The following CYFIP1 variants were observed in gnomAD, a reference collection of about 807,000 sequenced individuals.
CYFIP1 encodes the protein cytoplasmic FMR1-interacting protein 1.
In CYFIP1, 58 loss-of-function variants were observed where a neutral mutation model predicts 163.5. That is an observed-to-expected ratio of 0.35 (90% CI 0.29 to 0.44). The LOEUF is 0.44. CYFIP1 is among the 20% of genes least tolerant of loss of function. The pLI is 1.00. For synonymous variants in CYFIP1, 663 were observed against 660.7 expected, an observed-to-expected ratio of 1.00 and a Z score of -0.05; for missense variants, 1,338 against 1,653.8, an observed-to-expected ratio of 0.81 and a Z score of 3.31.
intron 13 of CYFIP1, among the ~76,000 whole-genome samples, chr15:22,922,282 G>A (rs1252395117): frequency 6.6e-6 from 1 of 152,222 alleles, no homozygotes; most frequent in African/African-American, 2.4e-5. Flanking sequence ...CCTAGAGTCT[G>A]AGTAGCCAAG....
At chr15:22,973,342 A>G (rs2063163070) in intron 1 of CYFIP1, among the ~76,000 whole-genome samples, 1 of 150,488 alleles carries the variant, frequency 6.6e-6, no homozygotes. Context: ...AAAAGGGAGA[A>G]GAAACTCCCT....
intron 27 of CYFIP1, 82 bp downstream of exon 27, chr15:22,875,117 C>A: frequency 7.6e-7 from 1 of 1,322,550 alleles, no homozygotes; most frequent in Non-Finnish European, 1.1e-6. Context: ...CTGCACTGGT[C>A]CTTAGCTCTC....
intron 21 of CYFIP1, 38 bp downstream of exon 21, chr15:22,909,156 A>G: frequency 6.2e-7 from 1 of 1,611,794 alleles, no homozygotes; most frequent in South Asian, 1.1e-5. Flanking sequence ...ACCTACCCTT[A>G]GTCCAATTTA....
At chr15:22,927,400 T>A (rs1172253440) in intron 12 of CYFIP1, among the ~76,000 whole-genome samples, 6 of 149,018 alleles carry the variant, frequency 4.0e-5, no homozygotes, top group African/African-American at 1.5e-4. Flanking sequence ...GGAGAATCGC[T>A]TGAACCCAGG....
intron 1 of CYFIP1, among the ~76,000 whole-genome samples, chr15:22,979,389 T>G (rs896537695): frequency 1.3e-5 from 2 of 151,776 alleles, no homozygotes; most frequent in African/African-American, 2.4e-5. Flanking sequence ...CATTCCGGAG[T>G]CCGACGGACG....
Position 22,882,891 on chromosome 15 carries a change from G to A in CYFIP1, c.2797C>T (p.Leu933=). The part of the protein sequence containing the change: ...YQGIAVVMEE[L]LKVVKSLLQG... ...ACCAGGCTCTTGACGACCTTCAGCA[G>A]CTCCTCCATGACCACGGCGATACCC... Residue 933 remains leucine, a synonymous_variant, in exon 24 of 31, where the codon CTG becomes TTG. Coordinates refer to ENST00000617928, the MANE Select transcript of CYFIP1 (RefSeq NM_014608.6). 1.9e-6 allele frequency: 3 copies of A among 1,613,712 alleles called. No homozygotes were observed. The highest frequency in any genetic ancestry group is 2.5e-6 in the Non-Finnish European group (3 of 1,179,684).
At chr15:22,882,460 A>G (rs1317050466) in intron 24 of CYFIP1, among the ~76,000 whole-genome samples, 2 of 152,234 alleles carry the variant, frequency 1.3e-5, no homozygotes, top group African/African-American at 2.4e-5. Context: ...GTCACAGAAG[A>G]TTAAAATAAT....
chr15:22,944,632 C>G lies in CYFIP1; in HGVS notation c.313G>C (p.Val105Leu). The G allele has an allele frequency of 6.2e-7, 1 of 1,613,940 alleles. No homozygotes were observed. The highest frequency in any genetic ancestry group is 8.5e-7 in the Non-Finnish European group (1 of 1,179,808). The change falls in exon 5 of 31, where the codon GTG (valine) becomes CTG (leucine). Residue 105 changes from valine (V) to leucine (L), a missense_variant. This residue lies in a region of CYFIP1 where 186 missense variants were observed against 288.3 expected (regional missense o/e 0.65). Coordinates refer to ENST00000617928, the MANE Select transcript of CYFIP1 (RefSeq NM_014608.6). ...QVKCNEQPNR[V>L]EIYEKTVEVL... ...TCCACGGTTTTCTCGTAGATTTCCA[C>G]TCTGTTAGGCTGCTCGTTACATTTC...
intron 1 of CYFIP1, among the ~76,000 whole-genome samples, chr15:22,968,961 C>A (rs545487733): frequency 6.6e-6 from 1 of 152,272 alleles, no homozygotes; most frequent in East Asian, 1.9e-4. Flanking sequence ...TTCTTCAGAG[C>A]AAGCACATCT....
At chr15:22,915,555 C>A (rs1371873346) in intron 16 of CYFIP1, among the ~76,000 whole-genome samples, 1 of 152,040 alleles carries the variant, frequency 6.6e-6, no homozygotes. Context: ...TTGAGACCAG[C>A]CTGGCCAACA....
intron 1 of CYFIP1, among the ~76,000 whole-genome samples, chr15:22,968,663 G>A (rs2062991672): frequency 6.6e-6 from 1 of 152,180 alleles, no homozygotes; most frequent in African/African-American, 2.4e-5. Context: ...AACACAACTT[G>A]TGCATATGAA....
intron 28 of CYFIP1, among the ~76,000 whole-genome samples, chr15:22,874,114 G>A (rs749042166): frequency 2.9e-4 from 44 of 152,294 alleles, no homozygotes; most frequent in Non-Finnish European, 6.0e-4. Flanking sequence ...ACCATCCTAC[G>A]ATGCACAGGG....
intron 23 of CYFIP1, among the ~76,000 whole-genome samples, chr15:22,887,487 G>GA (rs35552505): frequency 6.6e-6 from 1 of 152,182 alleles, no homozygotes; most frequent in Non-Finnish European, 1.5e-5. Context: ...AGAAGAACAC[G>GA]AAAGTCATCA....
chr15:22,946,258 C>G (rs927336726), intron 3 of CYFIP1, among the ~76,000 whole-genome samples: 2 of 151,214 alleles, frequency 1.3e-5, no homozygotes, highest in African/African-American at 4.9e-5. Flanking sequence ...GAGCCCTAAT[C>G]ACACCACTGC....
chr15:22,913,616 A>G (rs2060868054), intron 17 of CYFIP1, among the ~76,000 whole-genome samples: 1 of 149,148 alleles, frequency 6.7e-6, no homozygotes, highest in African/African-American at 2.5e-5. Context: ...AAAAAAAAAA[A>G]AAAAAAAAAA....
At position 22,869,953 on chromosome 15, in the gene CYFIP1, T is replaced by C; in HGVS notation, c.*75A>G. 8 of 1,369,378 alleles carry C rather than the reference T, an allele frequency of 5.8e-6. No individual in the cohort carries two copies. Among genetic ancestry groups the C allele is most frequent in the Non-Finnish European group, 7.7e-6 (8 of 1,036,946 alleles). 84.8% of individuals were successfully genotyped at this position (1,369,378 alleles called of 1,614,324 possible). ...CAGGTACAGAGATACTGAAAAATAG[T>C]CCCTAAAAATCTCACTAAATAGTTT... On this transcript the variant is annotated 3_prime_UTR_variant, in exon 31 of 31. Transcript: ENST00000617928.
intron 16 of CYFIP1, among the ~76,000 whole-genome samples, chr15:22,915,862 G>T (rs2060958541): frequency 6.6e-6 from 1 of 152,192 alleles, no homozygotes; most frequent in Admixed American, 6.5e-5. Context: ...ACGCAAAAAT[G>T]AGACAGATTA....
At chr15:22,948,903 GA>G (rs2062151117) in intron 1 of CYFIP1, among the ~76,000 whole-genome samples, 1 of 150,446 alleles carries the variant, frequency 6.6e-6, no homozygotes, top group Admixed American at 6.6e-5. Flanking sequence ...AAAAAAGATT[GA>G]AAAAATTTTG....
At chr15:22,935,830 T>TAAGC in intron 9 of CYFIP1, among the ~76,000 whole-genome samples, 1 of 152,206 alleles carries the variant, frequency 6.6e-6, no homozygotes, top group Non-Finnish European at 1.5e-5. Flanking sequence ...ACATGTTAAA[T>TAAGC]TAGCTTGAAT....
Sources: gnomAD v4.1 joint callset for allele counts (sites outside exome capture counted in the v4.1 genomes callset) on GRCh38, gnomAD v4.1.1 for gene constraint, gnomAD v4.1.1 regional missense constraint, MANE v1.5 for transcripts, NCBI Gene and HGNC (gene_info 2026-07-23, HGNC 2026-07-21) for gene names.